The following ELP3 variants were observed in gnomAD, a reference collection of about 807,000 sequenced individuals.
ELP3 encodes the protein elongator complex protein 3.
A neutral mutation model predicts 74.9 loss-of-function variants in ELP3; 56 were observed. The observed-to-expected ratio is 0.75, with a 90% CI of 0.60 to 0.93. The LOEUF (loss-of-function observed/expected upper bound fraction) is 0.93. Among genes scored for constraint, ELP3 ranks in the 40% least tolerant of loss-of-function variants. The pLI is 0.00. For missense variants in ELP3, 573 were observed against 686.5 expected (o/e 0.83, Z 1.85); for synonymous variants, 222 against 239.8 (o/e 0.93, Z 0.68).
At chr8:28,155,503 G>A (rs190136267) in intron 10 of ELP3, among the ~76,000 whole-genome samples, 1 of 152,326 alleles carries the variant, frequency 6.6e-6, no homozygotes, top group Non-Finnish European at 1.5e-5. Context: ...GCTAAGGCAG[G>A]CGTTTGAGCA....
At chr8:28,107,506 C>T (rs1811745745) in intron 4 of ELP3, among the ~76,000 whole-genome samples, 1 of 152,136 alleles carries the variant, frequency 6.6e-6, no homozygotes, top group Non-Finnish European at 1.5e-5. Flanking sequence ...TTCTCAAACT[C>T]ACCTATTTGA....
At chr8:28,158,532 CCCCCCAA>C in intron 11 of ELP3, 29 bp from the exon 12 acceptor site, 5 of 1,423,570 alleles carry the variant, frequency 3.5e-6, no homozygotes, top group Non-Finnish European at 4.9e-6. Flanking sequence ...ACCCCTCCCA[CCCCCCAA>C]CCCCGCTCAC....
chr8:28,175,301 G>A (rs752372207), intron 14 of ELP3, among the ~76,000 whole-genome samples: 4 of 151,752 alleles, frequency 2.6e-5, no homozygotes, highest in South Asian at 2.1e-4. Context: ...TATCCCCCAC[G>A]TCTTTTATTT....
In ELP3 at chr8:28,099,942, G is replaced by A. The variant is rs371724168; in HGVS notation, c.234G>A (p.Ala78=). 74 of 1,614,058 alleles carry A rather than the reference G, an allele frequency of 4.6e-5. No homozygotes were observed. The highest frequency in any genetic ancestry group is 8.9e-5 in the East Asian group (4 of 44,892). Residue 78 remains alanine, a synonymous_variant, in exon 3 of 15, where the codon GCG becomes GCA. Transcript: ENST00000256398. ...AGGTCTTGATGCCCAAGTTAAAGGC[G>A]AAACCCATCAGAACTGCTAGTGGGG... ...YRKVLMPKLK[A]KPIRTASGIA... is the part of the protein sequence containing the mutation.
intron 14 of ELP3, among the ~76,000 whole-genome samples, chr8:28,176,721 A>G (rs1814772259): frequency 1.3e-5 from 2 of 152,230 alleles, no homozygotes; most frequent in Non-Finnish European, 1.5e-5. Context: ...TAAAGAGACT[A>G]TAAATAGAAG....
chr8:28,099,476 G>A (rs1563245336), intron 2 of ELP3, among the ~76,000 whole-genome samples: 1 of 152,194 alleles, frequency 6.6e-6, no homozygotes, highest in Non-Finnish European at 1.5e-5. Flanking sequence ...GCAAAGAACT[G>A]TGTGGTCCCA....
chr8:28,106,834 T>C (rs1315762911), intron 4 of ELP3, 51 bp downstream of exon 4: 1 of 1,414,028 alleles, frequency 7.1e-7, no homozygotes, highest in Admixed American at 1.7e-5. Flanking sequence ...TTAAGCTAAA[T>C]ATGCCCCCTC....
intron 1 of ELP3, among the ~76,000 whole-genome samples, chr8:28,095,218 C>T (rs1378397368): frequency 6.6e-6 from 1 of 152,216 alleles, no homozygotes; most frequent in Non-Finnish European, 1.5e-5. Flanking sequence ...GTGCCATTTC[C>T]TTCATGAAGT....
chr8:28,117,866 C>T (rs938169493), intron 7 of ELP3, among the ~76,000 whole-genome samples: 4 of 152,102 alleles, frequency 2.6e-5, no homozygotes, highest in Non-Finnish European at 4.4e-5. Flanking sequence ...CTAGTTTGTG[C>T]TATAGAACTA....
intron 7 of ELP3, among the ~76,000 whole-genome samples, chr8:28,118,288 A>G (rs1812217257): frequency 6.6e-6 from 1 of 152,170 alleles, no homozygotes; most frequent in Non-Finnish European, 1.5e-5. Context: ...TGTCCCTGCT[A>G]TGTTTTCATA....
At chr8:28,132,113 G>A (rs756506624) in intron 8 of ELP3, among the ~76,000 whole-genome samples, 165 bp from the exon 9 acceptor site, 5 of 152,144 alleles carry the variant, frequency 3.3e-5, no homozygotes, top group Non-Finnish European at 7.4e-5. Flanking sequence ...TTTCTGAGAT[G>A]TCTTTTCCCC....
intron 8 of ELP3, among the ~76,000 whole-genome samples, chr8:28,130,932 C>A (rs1327435955): frequency 1.3e-5 from 2 of 152,132 alleles, no homozygotes; most frequent in African/African-American, 4.8e-5. Context: ...GGAGTCAGCC[C>A]AGGGAGGCTG....
rs936032593 is a variant in ELP3, at chr8:28,112,957, T to C, written c.463-62T>C. On this transcript the variant is annotated intron_variant, in intron 6 of 14. Transcript: ENST00000256398. Reference sequence around the variant, plus strand: ...ACACTGCAAAATAAGAGATTTGCAATGCCTTCTTAGAGTAGTTCCTTATGC... The same window carrying C: ...ACACTGCAAAATAAGAGATTTGCAACGCCTTCTTAGAGTAGTTCCTTATGC... The C allele has an allele frequency of 7.6e-6, 11 of 1,455,990 alleles. No homozygotes were observed. In the African/African-American group the frequency reaches 1.4e-4, roughly 19 times the overall value. The allele number at this position is 1,455,990 out of a possible 1,614,324, so 90.2% of individuals were successfully genotyped here. A position where few individuals can be genotyped will look rare whatever the true frequency, so the allele number is the denominator to read the frequency against.
chr8:28,124,445 C>G (rs1280576675), intron 7 of ELP3, among the ~76,000 whole-genome samples: 5 of 152,140 alleles, frequency 3.3e-5, no homozygotes, highest in African/African-American at 1.2e-4. Flanking sequence ...TTTCTGTCAT[C>G]TATGATTTGA....
chr8:28,141,615 T>TA (rs1158653775), intron 10 of ELP3, among the ~76,000 whole-genome samples: 1 of 152,208 alleles, frequency 6.6e-6, no homozygotes, highest in Non-Finnish European at 1.5e-5. Flanking sequence ...AGGAAATATT[T>TA]AAAGTATTCT....
chr8:28,131,547 CTG>C (rs1231749391), intron 8 of ELP3, among the ~76,000 whole-genome samples: 2 of 152,178 alleles, frequency 1.3e-5, no homozygotes, highest in African/African-American at 2.4e-5. Flanking sequence ...GAGATGGAGT[CTG>C]TGGTTTCTAG....
intron 1 of ELP3, among the ~76,000 whole-genome samples, chr8:28,095,502 A>C (rs1371257045): frequency 1.3e-5 from 2 of 152,096 alleles, no homozygotes; most frequent in Non-Finnish European, 2.9e-5. Context: ...ATGGCCCCTG[A>C]GGCACCTTTG....
intron 14 of ELP3, among the ~76,000 whole-genome samples, chr8:28,184,516 A>T (rs1815155744): frequency 6.6e-6 from 1 of 152,170 alleles, no homozygotes; most frequent in Non-Finnish European, 1.5e-5. Flanking sequence ...AAATGCTTAG[A>T]TGTACCCCAG....
chr8:28,139,602 A>G (rs920679261), intron 10 of ELP3, among the ~76,000 whole-genome samples: 1 of 152,174 alleles, frequency 6.6e-6, no homozygotes, highest in African/African-American at 2.4e-5. Context: ...TCCCTAAACA[A>G]TACAGTATAA....
Sources: allele counts gnomAD v4.1 joint callset (sites outside exome capture counted in the v4.1 genomes callset), GRCh38; gene constraint gnomAD v4.1.1; transcripts MANE v1.5; gene names NCBI Gene and HGNC (gene_info 2026-07-23, HGNC 2026-07-21).